Variants in IGSF11 observed in about 807,000 individuals in gnomAD.
IGSF11 encodes immunoglobulin superfamily member 11.
Under a neutral mutation model 41.0 loss-of-function variants are expected in IGSF11, and 22 were observed. That is an observed-to-expected ratio of 0.54 (90% CI 0.38 to 0.77). IGSF11 has a LOEUF of 0.77. Among genes scored for constraint, IGSF11 ranks in the 30% least tolerant of loss-of-function variants. IGSF11 has a pLI of 0.00. For missense variants in IGSF11, 444 were observed against 530.8 expected (o/e 0.84, Z 1.61); for synonymous variants, 219 against 201.3 (o/e 1.09, Z -0.74).
intron 1 of IGSF11, among the ~76,000 whole-genome samples, chr3:119,056,429 T>G (rs180783048): frequency 4.6e-5 from 7 of 152,040 alleles, no homozygotes; most frequent in Non-Finnish European, 1.0e-4. Flanking sequence ...CAGGAAGAAG[T>G]TGAATCTCTG....
At chr3:119,111,671 T>A (rs2077163729) in intron 1 of IGSF11, among the ~76,000 whole-genome samples, 1 of 152,224 alleles carries the variant, frequency 6.6e-6, no homozygotes, top group Non-Finnish European at 1.5e-5. Context: ...GGCGCTCTGC[T>A]TTTTAGAGTT....
chr3:119,130,282 TG>T (rs2077463743), intron 1 of IGSF11, among the ~76,000 whole-genome samples: 1 of 152,174 alleles, frequency 6.6e-6, no homozygotes, highest in East Asian at 1.9e-4. Flanking sequence ...TGCAAAGGGT[TG>T]GGAGATTTCC....
chr3:118,911,513 CA>C (rs1940293484), intron 4 of IGSF11, among the ~76,000 whole-genome samples: 1 of 152,032 alleles, frequency 6.6e-6, no homozygotes, highest in Admixed American at 6.6e-5. Flanking sequence ...GTCAACATAG[CA>C]AGGCCCCATC....
chr3:118,936,997 C>T (rs553333103), intron 1 of IGSF11, among the ~76,000 whole-genome samples: 2 of 152,348 alleles, frequency 1.3e-5, no homozygotes, highest in East Asian at 1.9e-4. Context: ...ACAATGGGGA[C>T]TGGCCCAAGC....
intron 1 of IGSF11, among the ~76,000 whole-genome samples, chr3:119,116,593 G>A (rs79854065): frequency 2.0e-5 from 3 of 152,218 alleles, no homozygotes; most frequent in African/African-American, 4.8e-5. Context: ...AGACATTCAG[G>A]CTACAGTTTA....
At chr3:119,122,146 C>T (rs1040872161) in intron 1 of IGSF11, among the ~76,000 whole-genome samples, 2 of 152,188 alleles carry the variant, frequency 1.3e-5, no homozygotes, top group African/African-American at 4.8e-5. Flanking sequence ...CTGAAAGAGG[C>T]ACTGAAAAGG....
chr3:119,006,679 AACAG>A lies in IGSF11; in HGVS notation c.52+27848_52+27851del, dbSNP rs1273563375. 6.4e-5 allele frequency among the ~76,000 whole-genome samples: 9 copies of A among 141,420 alleles called. No individual in the cohort carries two copies. The East Asian group carries it at 2.0e-3, about 31-fold the overall frequency. 92.8% of individuals were successfully genotyped at this position (141,420 alleles called of 152,430 possible). A position where few individuals can be genotyped will look rare whatever the true frequency, so the allele number is the denominator to read the frequency against. ...CTTTCTGTTTGTTAGTTTTCCTTCT[AACAG>A]ACAGGACCCTCAGCTGCAGGTCTGT... is the stretch of plus-strand genomic sequence containing the variant. On this transcript the variant is annotated intron_variant, in intron 1 of 6. Transcript: ENST00000393775.
chr3:119,126,795 G>C (rs1336045450), intron 1 of IGSF11, among the ~76,000 whole-genome samples: 2 of 151,586 alleles, frequency 1.3e-5, no homozygotes, highest in East Asian at 1.9e-4. Flanking sequence ...CCTGACTATT[G>C]AAAGAAAAAC....
chr3:118,963,219 C>G (rs1387896065), intron 1 of IGSF11, among the ~76,000 whole-genome samples: 2 of 152,198 alleles, frequency 1.3e-5, no homozygotes, highest in Non-Finnish European at 2.9e-5. Context: ...AAACTCAACA[C>G]TATGTATCCT....
chr3:119,032,008 T>C lies in IGSF11; in HGVS notation c.52+2523A>G, dbSNP rs528697650. ...TATCTAACCCATTAGAAGAACTATA[T>C]AGAAGTCAGCTTTTCAATTCAAATT... On this transcript the variant is annotated intron_variant, in intron 1 of 6. Transcript: ENST00000393775. Among the ~76,000 whole-genome samples the C allele has an allele frequency of 6.6e-5, 10 of 152,370 alleles. No individual in the cohort carries two copies. In the South Asian group the frequency reaches 2.1e-3, roughly 32 times the overall value.
intron 1 of IGSF11, among the ~76,000 whole-genome samples, chr3:119,054,692 AG>A (rs1289720778): frequency 6.6e-6 from 1 of 152,224 alleles, no homozygotes; most frequent in Non-Finnish European, 1.5e-5. Flanking sequence ...ATCTGCACAG[AG>A]GAAAAGAAGT....
intron 1 of IGSF11, among the ~76,000 whole-genome samples, chr3:119,040,233 G>C (rs545366277): frequency 6.6e-6 from 1 of 152,068 alleles, no homozygotes; most frequent in South Asian, 2.1e-4. Context: ...TTGATCTTGT[G>C]GCCCCCTCCC....
chr3:118,937,266 A>T (rs1943354951), intron 1 of IGSF11, among the ~76,000 whole-genome samples: 1 of 152,172 alleles, frequency 6.6e-6, no homozygotes, highest in Non-Finnish European at 1.5e-5. Context: ...ATGTAATACA[A>T]ATTTATATAA....
rs867548784 is a variant in IGSF11, at chr3:119,098,263, C to T, written c.49+6881G>A. 3.0e-4 allele frequency among the ~76,000 whole-genome samples: 46 copies of T among 152,074 alleles called. No homozygotes were observed. In the Middle Eastern group the frequency reaches 0.024, roughly 79 times the overall value. ...CTTAACCTTTTTTGTGCCTCTGTTT[C>T]CTGCCTGTAAAATGGGAATACTAAT... On this transcript the variant is annotated intron_variant, in intron 1 of 6. Coordinates refer to the IGSF11 transcript ENST00000354673.
At chr3:118,955,078 T>C (rs1420008451) in intron 1 of IGSF11, among the ~76,000 whole-genome samples, 1 of 151,968 alleles carries the variant, frequency 6.6e-6, no homozygotes, top group African/African-American at 2.4e-5. Context: ...GAGGAAAAAA[T>C]GTCATTATAT....
intron 3 of IGSF11, 32 bp from the exon 4 acceptor site, chr3:118,926,288 C>G (rs771499995): frequency 1.3e-6 from 2 of 1,516,544 alleles, no homozygotes; most frequent in South Asian, 2.5e-5. Context: ...ATAAAGTACA[C>G]ATTTTACTGT....
chr3:119,016,491 G>C (rs1258649580), intron 1 of IGSF11, among the ~76,000 whole-genome samples: 1 of 152,084 alleles, frequency 6.6e-6, no homozygotes, highest in Admixed American at 6.5e-5. Flanking sequence ...TGTAAATATA[G>C]GATTATTGAC....
Position 119,088,058 on chromosome 3 carries a change from C to T in IGSF11, c.49+17086G>A, listed in dbSNP as rs148533819. On this transcript the variant is annotated intron_variant, in intron 1 of 6. Transcript: ENST00000354673. The stretch of plus-strand genomic sequence containing the variant: ...ACAAACTCTGGACTTAAACTTGACA[C>T]TTGATCAACTGGACCTAATAGACAT... Among the ~76,000 whole-genome samples, 86 of 152,210 alleles carry T rather than the reference C, an allele frequency of 5.7e-4. 1 individual carries two copies. The highest frequency in any genetic ancestry group is 1.8e-4 in the Non-Finnish European group (12 of 68,012).
At chr3:119,040,190 G>T (rs1477671948) in intron 1 of IGSF11, among the ~76,000 whole-genome samples, 1 of 152,144 alleles carries the variant, frequency 6.6e-6, no homozygotes, top group African/African-American at 2.4e-5. Flanking sequence ...GGATGGATCA[G>T]CTGGCACCAC....
Sources: allele counts gnomAD v4.1 joint callset (sites outside exome capture counted in the v4.1 genomes callset), GRCh38; gene constraint gnomAD v4.1.1; transcripts MANE v1.5; gene names NCBI Gene and HGNC (gene_info 2026-07-23, HGNC 2026-07-21).